IFT88: variants seen among roughly 807,000 people sequenced by gnomAD.
The protein encoded by IFT88 is intraflagellar transport 88.
Under a neutral mutation model 119.5 loss-of-function variants are expected in IFT88, and 74 were observed. That is an observed-to-expected ratio of 0.62 (90% CI 0.51 to 0.75). The LOEUF (loss-of-function observed/expected upper bound fraction) is 0.75, where lower values mean the gene tolerates loss of function less well. Ranked by LOEUF, IFT88 falls within the 30% of genes least tolerant of loss-of-function variation. The pLI is 0.00. For synonymous variants in IFT88, 279 were observed against 316.7 expected (o/e 0.88, Z 1.26); for missense variants, 961 against 977.7 (o/e 0.98, Z 0.23).
At chr13:20,661,846 G>A (rs572114115) in intron 22 of IFT88, among the ~76,000 whole-genome samples, 5 of 152,280 alleles carry the variant, frequency 3.3e-5, no homozygotes, top group South Asian at 4.1e-4. Flanking sequence ...TAGTGGAGAC[G>A]TCAGCAGAAG....
intron 20 of IFT88, among the ~76,000 whole-genome samples, chr13:20,646,560 C>A (rs1231903253): frequency 6.6e-6 from 1 of 152,064 alleles, no homozygotes; most frequent in African/African-American, 2.4e-5. Flanking sequence ...TCAAGTGATC[C>A]ATTCGCCTCA....
At chr13:20,670,746 T>A (rs1377706705) in intron 23 of IFT88, among the ~76,000 whole-genome samples, 1 of 152,014 alleles carries the variant, frequency 6.6e-6, no homozygotes, top group African/African-American at 2.4e-5. Context: ...ACTTTTGAAT[T>A]AAAGTGCTAT....
chr13:20,581,852 CA>C (rs10555158), intron 2 of IFT88, among the ~76,000 whole-genome samples: 55,338 of 120,804 alleles, frequency 0.46, 11,107 homozygotes, highest in Middle Eastern at 0.57. Context: ...AACCCTGTCT[CA>C]AAAAAAAAAA....
intron 14 of IFT88, among the ~76,000 whole-genome samples, chr13:20,623,805 T>C (rs1030395962): frequency 2.0e-5 from 3 of 152,216 alleles, no homozygotes; most frequent in African/African-American, 7.2e-5. Context: ...AAAATTTCTC[T>C]CGGCAATGTT....
intron 24 of IFT88, among the ~76,000 whole-genome samples, chr13:20,688,507 C>T (rs2058178083): frequency 6.6e-6 from 1 of 152,088 alleles, no homozygotes; most frequent in Non-Finnish European, 1.5e-5. Context: ...TGAAGAACAC[C>T]AAGCTGAAAA....
At chr13:20,669,675 C>T (rs1231520143) in intron 23 of IFT88, among the ~76,000 whole-genome samples, 3 of 152,078 alleles carry the variant, frequency 2.0e-5, no homozygotes, top group Admixed American at 6.5e-5. Flanking sequence ...CCACCCGCCT[C>T]GGCCTCCCAA....
At chr13:20,659,085 G>T (rs1422803027) in intron 22 of IFT88, among the ~76,000 whole-genome samples, 1 of 152,156 alleles carries the variant, frequency 6.6e-6, no homozygotes, top group East Asian at 1.9e-4. Context: ...AAACTAGCAG[G>T]ATAATTTAGT....
chr13:20,613,548 CCA>C (rs2045014118), intron 13 of IFT88, among the ~76,000 whole-genome samples: 1 of 152,064 alleles, frequency 6.6e-6, no homozygotes, highest in East Asian at 1.9e-4. Flanking sequence ...CATAGACTTA[CCA>C]TATAACCCAG....
intron 12 of IFT88, among the ~76,000 whole-genome samples, chr13:20,602,604 G>C (rs1341699487): frequency 6.6e-6 from 1 of 152,172 alleles, no homozygotes; most frequent in Non-Finnish European, 1.5e-5. Flanking sequence ...AAGAGCGAAG[G>C]CTGGGCGCAG....
chr13:20,626,043 C>CTTTCTTTTTTTTTTTTTTTTT (rs2047249498), intron 15 of IFT88, among the ~76,000 whole-genome samples, 194 bp downstream of exon 15: 1 of 39,540 alleles, frequency 2.5e-5, no homozygotes. Context: ...TTTGTCGTTT[C>CTTTCTTTTTTTTTTTTTTTTT]TTTTTTTTTT....
At chr13:20,590,741 G>T (rs941056596) in intron 4 of IFT88, among the ~76,000 whole-genome samples, 2 of 152,158 alleles carry the variant, frequency 1.3e-5, no homozygotes, top group African/African-American at 4.8e-5. Context: ...AAGGAATGGG[G>T]CATGGCTATG....
At chr13:20,634,969 G>T (rs759544269) in intron 16 of IFT88, among the ~76,000 whole-genome samples, 3 of 118,270 alleles carry the variant, frequency 2.5e-5, no homozygotes, top group African/African-American at 3.4e-5. Flanking sequence ...CCCACAACAG[G>T]CCCCGGTGTG....
At chr13:20,569,077 C>A (rs991953282) in intron 1 of IFT88, among the ~76,000 whole-genome samples, 2 of 151,886 alleles carry the variant, frequency 1.3e-5, no homozygotes, top group Non-Finnish European at 2.9e-5. Context: ...GTGACATTTG[C>A]CCTCATAGTA....
intron 14 of IFT88, among the ~76,000 whole-genome samples, chr13:20,622,655 T>C (rs908007039): frequency 2.6e-5 from 4 of 152,238 alleles, no homozygotes; most frequent in Admixed American, 6.5e-5. Flanking sequence ...TCAGGTCCTT[T>C]AACATTTTTG....
chr13:20,594,609 A>G (rs1302276307), intron 7 of IFT88, among the ~76,000 whole-genome samples: 1 of 152,178 alleles, frequency 6.6e-6, no homozygotes, highest in Non-Finnish European at 1.5e-5. Flanking sequence ...ACAGATTTTT[A>G]AGTTTAAAAT....
intron 2 of IFT88, among the ~76,000 whole-genome samples, chr13:20,579,831 G>A (rs1427274214): frequency 2.0e-5 from 3 of 152,194 alleles, no homozygotes; most frequent in African/African-American, 7.2e-5. Context: ...TATTGCTGCT[G>A]ATTATTCAGG....
chr13:20,610,481 G>T (rs2044291071), intron 13 of IFT88, among the ~76,000 whole-genome samples: 1 of 151,930 alleles, frequency 6.6e-6, no homozygotes, highest in Non-Finnish European at 1.5e-5. Flanking sequence ...TATATTACAG[G>T]AGTTGTCTAT....
intron 1 of IFT88, chr13:20,567,863 T>G (rs928898272): frequency 1.0e-6 from 1 of 984,336 alleles, no homozygotes; most frequent in East Asian, 2.7e-5. Flanking sequence ...GAGTTTTTTT[T>G]GTTTGTTTTT....
At chr13:20,658,099 T>G (rs1045611799) in intron 22 of IFT88, among the ~76,000 whole-genome samples, 3 of 143,396 alleles carry the variant, frequency 2.1e-5, no homozygotes, top group African/African-American at 7.6e-5. Flanking sequence ...AATTCTAGAA[T>G]TTTTTTTTTT....
Sources: gnomAD v4.1 joint callset for allele counts (sites outside exome capture counted in the v4.1 genomes callset) on GRCh38, gnomAD v4.1.1 for gene constraint, MANE v1.5 for transcripts, NCBI Gene and HGNC (gene_info 2026-07-23, HGNC 2026-07-21) for gene names.